Variants in MLLT10 observed in about 807,000 individuals in gnomAD.
MLLT10 encodes MLLT10 histone lysine methyltransferase DOT1L cofactor.
A neutral mutation model predicts 129.1 loss-of-function variants in MLLT10; 30 were observed. That is an observed-to-expected ratio of 0.23 (90% CI 0.17 to 0.32). The LOEUF (loss-of-function observed/expected upper bound fraction) is 0.32, where lower values mean the gene tolerates loss of function less well. Ranked by LOEUF, MLLT10 falls within the 10% of genes least tolerant of loss-of-function variation. MLLT10 has a pLI of 1.00. For synonymous variants in MLLT10, 490 were observed against 446.4 expected (o/e 1.10, Z -1.23); for missense variants, 1,119 against 1,268.3 (o/e 0.88, Z 1.79).
At chr10:21,685,892 G>T (rs2053246455) in intron 13 of MLLT10, among the ~76,000 whole-genome samples, 1 of 152,100 alleles carries the variant, frequency 6.6e-6, no homozygotes, top group South Asian at 2.1e-4. Flanking sequence ...AAGCCTATTA[G>T]ATGATGAGCT....
chr10:21,681,956 A>G (rs118073014), intron 12 of MLLT10, among the ~76,000 whole-genome samples: 1 of 152,218 alleles, frequency 6.6e-6, no homozygotes, highest in African/African-American at 2.4e-5. Context: ...TTTGAAATAC[A>G]TATTTATTAC....
At chr10:21,721,187 A>T (rs746388225) in intron 14 of MLLT10, among the ~76,000 whole-genome samples, 1 of 152,166 alleles carries the variant, frequency 6.6e-6, no homozygotes, top group Non-Finnish European at 1.5e-5. Flanking sequence ...GTTTATTGAC[A>T]GGTTAATTGT....
chr10:21,680,786 A>G (rs1158617381), intron 11 of MLLT10, among the ~76,000 whole-genome samples: 1 of 152,010 alleles, frequency 6.6e-6, no homozygotes, highest in Non-Finnish European at 1.5e-5. Flanking sequence ...AACCTGGCCA[A>G]CATGGTGAAA....
intron 10 of MLLT10, chr10:21,670,944 A>G (rs1038330351): frequency 1.7e-5 from 7 of 422,472 alleles, no homozygotes; most frequent in African/African-American, 1.4e-4. Flanking sequence ...TGTAATTTTA[A>G]TGTTTAACTA....
At chr10:21,582,751 G>A (rs932387302) in intron 3 of MLLT10, among the ~76,000 whole-genome samples, 1 of 152,174 alleles carries the variant, frequency 6.6e-6, no homozygotes, top group Non-Finnish European at 1.5e-5. Flanking sequence ...AGGGAGTGAG[G>A]CATGAAGTGG....
intron 8 of MLLT10, among the ~76,000 whole-genome samples, chr10:21,636,516 C>G (rs945786130): frequency 4.6e-5 from 7 of 151,594 alleles, no homozygotes; most frequent in Admixed American, 4.6e-4. Flanking sequence ...TGTCTCAAAG[C>G]TGATCTATAT....
At position 21,673,759 on chromosome 10, in the gene MLLT10, A is replaced by G. The variant is rs750854749; in HGVS notation, c.1461A>G (p.Gln487=). Residue 487 remains glutamine, a synonymous_variant, in exon 11 of 23, where the codon CAA becomes CAG. Coordinates refer to ENST00000307729, the MANE Select transcript of MLLT10 (RefSeq NM_001195626.3). ...GPGRPKGNKN[Q]ENVSHLSVSS... ...GCAGACCCAAAGGAAACAAAAATCA[A>G]GAGAATGTTTCTCATCTCTCAGTTT... 2.5e-6 allele frequency: 4 copies of G among 1,614,090 alleles called. No individual in the cohort carries two copies. The highest frequency in any genetic ancestry group is 3.3e-5 in the Admixed American group (2 of 60,002).
At position 21,740,444 on chromosome 10, in the gene MLLT10, G is replaced by C. The variant is rs372733852; in HGVS notation, c.3162+208G>C. Among the ~76,000 whole-genome samples, 4 of 152,272 alleles carry C rather than the reference G, an allele frequency of 2.6e-5. No individual in the cohort carries two copies. The East Asian group carries it at 5.8e-4, about 22-fold the overall frequency. ...TTGAATTTGCACATTAGGTTTGAAG[G>C]CTGTTTTGTAATTCAGCAATTTTCA... On this transcript the variant is annotated intron_variant, in intron 22 of 22. Coordinates refer to ENST00000307729, the MANE Select transcript of MLLT10 (RefSeq NM_001195626.3).
At chr10:21,624,938 T>A (rs527494377) in intron 8 of MLLT10, 5 of 1,310,578 alleles carry the variant, frequency 3.8e-6, no homozygotes, top group Non-Finnish European at 5.3e-6. Context: ...GAGGTGGTGC[T>A]CCCCTCCCCC....
chr10:21,630,357 A>G (rs115328088), intron 8 of MLLT10, among the ~76,000 whole-genome samples: 4,356 of 152,258 alleles, frequency 0.029, 207 homozygotes, highest in African/African-American at 0.098. Context: ...ATTAACTGCA[A>G]GGTTATGAAG....
chr10:21,717,608 TTCTTCCTCC>T (rs1464339148), intron 14 of MLLT10, among the ~76,000 whole-genome samples: 38 of 118,962 alleles, frequency 3.2e-4, no homozygotes, highest in African/African-American at 4.7e-4. Flanking sequence ...TTTCTTCCTC[TTCTTCCTCC>T]TCTTCCTCCT....
chr10:21,556,620 G>A, intron 3 of MLLT10: 1 of 1,581,638 alleles, frequency 6.3e-7, no homozygotes, highest in Non-Finnish European at 8.6e-7. Context: ...AGTGAATAAG[G>A]GATTGTTTTG....
At chr10:21,723,427 T>C (rs780261292) in intron 14 of MLLT10, among the ~76,000 whole-genome samples, 2 of 152,190 alleles carry the variant, frequency 1.3e-5, no homozygotes, top group Non-Finnish European at 2.9e-5. Flanking sequence ...CTAAGGCAAG[T>C]GATGAGACTG....
intron 13 of MLLT10, among the ~76,000 whole-genome samples, chr10:21,710,947 T>C (rs1021254429): frequency 2.0e-5 from 3 of 152,242 alleles, no homozygotes; most frequent in African/African-American, 7.2e-5. Flanking sequence ...TTACTTATGC[T>C]TAAGAGTCAT....
intron 16 of MLLT10, 109 bp from the exon 17 acceptor site, chr10:21,730,791 C>G: frequency 1.8e-6 from 2 of 1,117,872 alleles, no homozygotes; most frequent in African/African-American, 1.6e-5. Flanking sequence ...GCATAGGCAG[C>G]CTGGTGTTAT....
chr10:21,651,503 G>C (rs2049029562), intron 8 of MLLT10, among the ~76,000 whole-genome samples, 170 bp from the exon 9 acceptor site: 1 of 152,168 alleles, frequency 6.6e-6, no homozygotes, highest in South Asian at 2.1e-4. Context: ...TACCTAAAAA[G>C]AAACTCACAC....
intron 13 of MLLT10, chr10:21,688,591 T>C (rs2053526228): frequency 4.0e-6 from 6 of 1,513,794 alleles, no homozygotes; most frequent in Middle Eastern, 3.9e-4. Flanking sequence ...AAATTAATCC[T>C]ATTGTAGCTT....
At chr10:21,717,704 CTCCTCCTCCTCT>C (rs2056781968) in intron 14 of MLLT10, among the ~76,000 whole-genome samples, 1 of 94,008 alleles carries the variant, frequency 1.1e-5, no homozygotes, top group African/African-American at 4.8e-5. Context: ...CCTCCTCTTC[CTCCTCCTCCTCT>C]TCCTCCTCCT....
intron 9 of MLLT10, among the ~76,000 whole-genome samples, chr10:21,658,487 C>T (rs1016047087): frequency 2.6e-5 from 4 of 152,162 alleles, no homozygotes; most frequent in Admixed American, 6.5e-5. Flanking sequence ...CTATAATTAG[C>T]TTATCCATTC....
Sources: gnomAD v4.1 joint callset for allele counts (sites outside exome capture counted in the v4.1 genomes callset) on GRCh38, gnomAD v4.1.1 for gene constraint, MANE v1.5 for transcripts, NCBI Gene and HGNC (gene_info 2026-07-23, HGNC 2026-07-21) for gene names.